The following ADGRE3 variants were observed in gnomAD, a reference collection of about 807,000 sequenced individuals.
The protein encoded by ADGRE3 is adhesion G protein-coupled receptor E3.
Under a neutral mutation model 80.1 loss-of-function variants are expected in ADGRE3, and 88 were observed. The observed-to-expected ratio is 1.10, with a 90% CI of 0.93 to 1.31. The LOEUF (loss-of-function observed/expected upper bound fraction) is 1.31, where lower values mean the gene tolerates loss of function less well. Among genes scored for constraint, ADGRE3 ranks in the 40% most tolerant of loss-of-function variants. The pLI, the probability that ADGRE3 is intolerant of heterozygous loss-of-function variation, is 0.00. For synonymous variants in ADGRE3, 281 were observed against 294.8 expected (o/e 0.95, Z 0.48); for missense variants, 715 against 776.5 (o/e 0.92, Z 0.94).
In ADGRE3 at chr19:14,663,493, G is replaced by T; in HGVS notation, c.124C>A (p.His42Asn). 6.2e-7 allele frequency: 1 copy of T among 1,613,530 alleles called. No homozygotes were observed. The highest frequency in any genetic ancestry group is 8.5e-7 in the Non-Finnish European group (1 of 1,179,614). The change falls in exon 3 of 16, where the codon CAC becomes AAC. Residue 42 changes from histidine (H) to asparagine (N), a missense_variant. His to Asn is a moderately conservative substitution (Grantham distance 68). Transcript: ENST00000253673. ...GTATATCCATGGTTGCAGGTGCAGT[G>T]AGTGTTATTGACACAGGAAGCATTT... is the stretch of plus-strand genomic sequence containing the variant. ...PPNASCVNNT[H>N]CTCNHGYTSG...
chr19:14,639,830 G>T (rs992526707), intron 10 of ADGRE3, among the ~76,000 whole-genome samples: 1 of 152,042 alleles, frequency 6.6e-6, no homozygotes. Flanking sequence ...TGTCTTTTTT[G>T]GGGGGTGAGA....
chr19:14,633,210 T>G, intron 12 of ADGRE3, 26 bp downstream of exon 12: 1 of 1,597,614 alleles, frequency 6.3e-7, no homozygotes, highest in Admixed American at 1.7e-5. Context: ...CTTCCTAGTT[T>G]GGGAACATCG....
At position 14,625,579 on chromosome 19, in the gene ADGRE3, C is replaced by T. The variant is rs780943563; in HGVS notation, c.1833G>A (p.Lys611=). The T allele has an allele frequency of 3.7e-6, 6 of 1,612,670 alleles. No individual in the cohort carries two copies. Among genetic ancestry groups the T allele is most frequent in the Non-Finnish European group, 5.1e-6 (6 of 1,178,948 alleles). ...LSQQVQKQYQ[K]WFREIVKSKS... The stretch of plus-strand genomic sequence containing the variant: ...TTGATTTTACGATCTCTCTAAACCA[C>T]TTTTGATATTGTTTCTGGACCTGGA... Residue 611 remains lysine, a synonymous_variant, in exon 15 of 16, where the codon AAG becomes AAA. Transcript: ENST00000253673.
In ADGRE3 at chr19:14,651,003, A is replaced by G. The variant is rs191986762; in HGVS notation, c.697+82T>C. The G allele has an allele frequency of 2.1e-6, 3 of 1,447,928 alleles. No homozygotes were observed. The African/African-American group carries it at 4.2e-5, about 20-fold the overall frequency. 89.7% of individuals were successfully genotyped at this position (1,447,928 alleles called of 1,614,324 possible). On this transcript the variant is annotated intron_variant, in intron 7 of 15. Transcript: ENST00000253673. ...GAGGGTAAAAAGCCCATGAGGGGAG[A>G]GCCCAGTGGGCTTGTTTCCCCATGA...
the ADGRE3 span, among the ~76,000 whole-genome samples, chr19:14,605,645 C>T: frequency 2.5e-4 from 38 of 152,114 alleles, no homozygotes; most frequent in Non-Finnish European, 4.9e-4. Flanking sequence ...TTTCTTTCAC[C>T]ATCAATTTGT....
At chr19:14,620,480 CATATGAATAT>C (rs1167764243) in intron 15 of ADGRE3, among the ~76,000 whole-genome samples, 1 of 22,604 alleles carries the variant, frequency 4.4e-5, no homozygotes, top group African/African-American at 1.7e-4. Flanking sequence ...ATTATGAGTA[CATATGAATAT>C]ATATGAATAT....
Position 14,651,181 on chromosome 19 carries a change from C to T in ADGRE3, c.601G>A (p.Asp201Asn). 1 of 1,614,012 alleles carries T rather than the reference C, an allele frequency of 6.2e-7. No individual in the cohort carries two copies. Among genetic ancestry groups the T allele is most frequent in the Non-Finnish European group, 8.5e-7 (1 of 1,179,912 alleles). ...GTCTTTCTTTCTTCAGAGCAATTGT[C>T]TGTAATCGCTTGAGTTTCAATAGCT... is the stretch of plus-strand genomic sequence containing the variant. ...SVAIETQAIT[D>N]NCSEERKTFN... The change falls in exon 7 of 16, where the codon GAC becomes AAC. Residue 201 changes from aspartate (D) to asparagine (N), a missense_variant. Transcript: ENST00000253673.
At chr19:14,607,764 TG>T in the ADGRE3 span, among the ~76,000 whole-genome samples, 2 of 150,544 alleles carry the variant, frequency 1.3e-5, no homozygotes, top group Non-Finnish European at 3.0e-5. Context: ...TTTGTAGAGA[TG>T]GGGTTTCACC....
At chr19:14,656,142 T>G (rs191472450) in intron 5 of ADGRE3, among the ~76,000 whole-genome samples, 229 of 151,780 alleles carry the variant, frequency 1.5e-3, no homozygotes, top group Non-Finnish European at 1.5e-3. Context: ...GGTCAGGAGT[T>G]CAAGACCAGT....
chr19:14,653,359 A>G (rs1214154255), intron 6 of ADGRE3, among the ~76,000 whole-genome samples: 1 of 152,018 alleles, frequency 6.6e-6, no homozygotes. Context: ...ACTTGTTTTT[A>G]TATTATTTAA....
At chr19:14,618,166 G>A (rs538266099), downstream of ADGRE3, among the ~76,000 whole-genome samples, 1 of 152,172 alleles carries the variant, frequency 6.6e-6, no homozygotes, top group South Asian at 2.1e-4. Flanking sequence ...AGGATGTTTT[G>A]AAATATATCT....
chr19:14,651,228 G>T (rs746769860), intron 6 of ADGRE3, 24 bp from the exon 7 acceptor site: 8 of 1,613,572 alleles, frequency 5.0e-6, no homozygotes, highest in African/African-American at 2.7e-5. Context: ...CAATGGGCAG[G>T]CTTAGTGATA....
chr19:14,646,767 C>T (rs1971419836), intron 8 of ADGRE3, among the ~76,000 whole-genome samples: 1 of 145,180 alleles, frequency 6.9e-6, no homozygotes, highest in Non-Finnish European at 1.5e-5. Flanking sequence ...TTCTTCTTCT[C>T]CTTACTGTTT....
intron 15 of ADGRE3, among the ~76,000 whole-genome samples, chr19:14,620,449 TATATATGA>T (rs920575143): frequency 2.3e-5 from 3 of 132,032 alleles, no homozygotes; most frequent in Non-Finnish European, 3.2e-5. Flanking sequence ...TATATTCATG[TATATATGA>T]ATATATGAAT....
rs1409927929 is a variant in ADGRE3 at position 14,636,122 on chromosome 19, CTTTCTTTCTTT to C, written c.1484+1972_1484+1982del. On this transcript the variant is annotated intron_variant, in intron 11 of 15. Coordinates refer to ENST00000253673, the MANE Select transcript of ADGRE3 (RefSeq NM_032571.5). The stretch of plus-strand genomic sequence containing the variant: ...TCTTTCTTTCTTTCTTTCTTTCTTT[CTTTCTTTCTTT>C]CTTTCTTTCTTTCTTTCTTCCTTTC... Among the ~76,000 whole-genome samples the C allele has an allele frequency of 1.7e-4, 12 of 68,758 alleles. 3 individuals are homozygous for C. Among genetic ancestry groups the C allele is most frequent in the African/African-American group, 4.0e-4 (8 of 20,216 alleles). The allele number at this position is 68,758 out of a possible 152,430, so 45.1% of individuals were successfully genotyped here.
intron 10 of ADGRE3, among the ~76,000 whole-genome samples, chr19:14,640,087 G>T (rs1178058239): frequency 6.6e-6 from 1 of 152,100 alleles, no homozygotes; most frequent in African/African-American, 2.4e-5. Context: ...TGCACTGTTT[G>T]TCTTTCTGTG....
chr19:14,632,881 G>T, intron 13 of ADGRE3, 40 bp downstream of exon 13: 1 of 1,375,646 alleles, frequency 7.3e-7, no homozygotes, highest in Non-Finnish European at 1.0e-6. Flanking sequence ...AGGACTGGCA[G>T]AAGGAAAGGG....
intron 2 of ADGRE3, among the ~76,000 whole-genome samples, chr19:14,668,346 CCAGA>C (rs750717657): frequency 6.6e-6 from 1 of 151,952 alleles, no homozygotes; most frequent in Non-Finnish European, 1.5e-5. Context: ...AGAGTGATAA[CCAGA>C]CAAACTTTTT....
intron 4 of ADGRE3, among the ~76,000 whole-genome samples, chr19:14,658,892 G>C (rs1038151110): frequency 2.0e-5 from 3 of 151,698 alleles, no homozygotes; most frequent in African/African-American, 7.3e-5. Flanking sequence ...GCACCTCCAG[G>C]CATGGCTAAT....
Sources: allele counts gnomAD v4.1 joint callset (sites outside exome capture counted in the v4.1 genomes callset), GRCh38; gene constraint gnomAD v4.1.1; transcripts MANE v1.5; gene names NCBI Gene and HGNC (gene_info 2026-07-23, HGNC 2026-07-21).